AKAP10: variants seen among roughly 807,000 people sequenced by gnomAD.
AKAP10 encodes A-kinase anchoring protein 10.
In AKAP10, 24 loss-of-function variants were observed where a neutral mutation model predicts 80.8. The ratio of observed to expected loss-of-function variants is 0.30; its 90% CI spans 0.22 to 0.42. AKAP10 has a LOEUF of 0.42. AKAP10 is among the 10% of genes least tolerant of loss of function. The probability of loss-of-function intolerance (pLI) is 1.00; values close to 1 mark genes in which losing one functional copy is unlikely to be tolerated. For missense variants in AKAP10, 661 were observed against 794.9 expected (o/e 0.83, Z 2.03); for synonymous variants, 291 against 277.7 (o/e 1.05, Z -0.48).
intron 1 of AKAP10, among the ~76,000 whole-genome samples, chr17:19,972,576 C>A (rs1246892337): frequency 6.6e-6 from 1 of 152,086 alleles, no homozygotes; most frequent in African/African-American, 2.4e-5. Context: ...CTGCCTCAGC[C>A]TCCCAAGTAG....
intron 11 of AKAP10, among the ~76,000 whole-genome samples, chr17:19,922,150 T>TA (rs1399130798): frequency 8.5e-5 from 13 of 152,204 alleles, no homozygotes; most frequent in African/African-American, 3.1e-4. Flanking sequence ...GGCTCATGTG[T>TA]GTAATCCCAG....
intron 9 of AKAP10, among the ~76,000 whole-genome samples, chr17:19,933,146 G>A (rs2045460385): frequency 2.0e-5 from 3 of 152,108 alleles, no homozygotes; most frequent in Non-Finnish European, 2.9e-5. Flanking sequence ...AGCCTCCCGA[G>A]TAGCTGGGAT....
intron 4 of AKAP10, among the ~76,000 whole-genome samples, chr17:19,948,099 G>A (rs751389209): frequency 6.6e-6 from 1 of 152,046 alleles, no homozygotes; most frequent in Non-Finnish European, 1.5e-5. Context: ...AATTAATATA[G>A]AGAATATCAT....
chr17:19,946,234 A>ATT (rs2043111870), intron 5 of AKAP10, among the ~76,000 whole-genome samples: 1 of 17,258 alleles, frequency 5.8e-5, no homozygotes, highest in Non-Finnish European at 1.2e-4. Context: ...ATATATATAT[A>ATT]TATTATATAT....
At chr17:19,910,941 A>C (rs1163044060) in intron 12 of AKAP10, among the ~76,000 whole-genome samples, 2 of 152,212 alleles carry the variant, frequency 1.3e-5, no homozygotes, top group African/African-American at 4.8e-5. Context: ...AATGAAATAC[A>C]CAGCTTACTT....
intron 11 of AKAP10, among the ~76,000 whole-genome samples, chr17:19,924,204 C>T (rs983791395): frequency 1.3e-5 from 2 of 152,076 alleles, no homozygotes; most frequent in African/African-American, 4.8e-5. Context: ...TTAGCGGCTG[C>T]CAATAAATGG....
intron 5 of AKAP10, among the ~76,000 whole-genome samples, chr17:19,946,275 ATTTTTTTTTT>A (rs71157846): frequency 0.022 from 287 of 12,842 alleles, 4 homozygotes; most frequent in South Asian, 0.055. Flanking sequence ...ATATATATAT[ATTTTTTTTTT>A]TTTTTTTTTT....
intron 1 of AKAP10, 118 bp downstream of exon 1, chr17:19,977,474 G>T: frequency 1.3e-6 from 1 of 759,600 alleles, no homozygotes; most frequent in Non-Finnish European, 1.8e-6. Flanking sequence ...CATCTGCGCC[G>T]AGGTCGAGGC....
At chr17:19,941,975 A>C in intron 5 of AKAP10, 65 bp from the exon 6 acceptor site, 1 of 1,462,140 alleles carries the variant, frequency 6.8e-7, no homozygotes, top group Non-Finnish European at 9.3e-7. Context: ...ACACTTGTGA[A>C]TCAACTTGGG....
chr17:19,928,549 A>G (rs2042898439), intron 10 of AKAP10, among the ~76,000 whole-genome samples: 1 of 152,212 alleles, frequency 6.6e-6, no homozygotes, highest in South Asian at 2.1e-4. Flanking sequence ...CTCTTGACTC[A>G]GCAATTCTAC....
Position 19,905,655 on chromosome 17 carries a change from T to C in AKAP10, c.*572A>G, listed in dbSNP as rs2152408628. The C allele has an allele frequency of 6.5e-6, 1 of 152,738 alleles. No individual in the cohort carries two copies. Among genetic ancestry groups the C allele is most frequent in the East Asian group, 1.9e-4 (1 of 5,166 alleles). The allele number at this position is 152,738 out of a possible 1,614,324, so 9.5% of individuals were successfully genotyped here. A position where few individuals can be genotyped will look rare whatever the true frequency, so the allele number is the denominator to read the frequency against. On this transcript the variant is annotated 3_prime_UTR_variant, in exon 15 of 15. Transcript: ENST00000225737. Reference sequence around the variant, plus strand: ...TCACTGAAACTTGACCCATGACTTGTCAGTTTCCTTCCAAATTAATGCCGC... The same window carrying C: ...TCACTGAAACTTGACCCATGACTTGCCAGTTTCCTTCCAAATTAATGCCGC...
intron 4 of AKAP10, among the ~76,000 whole-genome samples, chr17:19,950,970 G>A (rs1362875565): frequency 1.3e-5 from 2 of 150,736 alleles, no homozygotes; most frequent in Non-Finnish European, 3.0e-5. Context: ...GACCCCGTCT[G>A]GGAACTGAGG....
chr17:19,932,426 C>G (rs1043684473), intron 9 of AKAP10, among the ~76,000 whole-genome samples: 1 of 145,588 alleles, frequency 6.9e-6, no homozygotes, highest in Non-Finnish European at 1.5e-5. Context: ...GCACTCCAGC[C>G]TGGACGCTGG....
intron 8 of AKAP10, among the ~76,000 whole-genome samples, chr17:19,937,339 T>C (rs2043003256): frequency 6.6e-6 from 1 of 151,960 alleles, no homozygotes; most frequent in Non-Finnish European, 1.5e-5. Flanking sequence ...CTGTCTCTAC[T>C]AAAAATACAA....
intron 1 of AKAP10, among the ~76,000 whole-genome samples, chr17:19,975,961 TTTCA>T (rs1446430565): frequency 1.3e-5 from 2 of 152,148 alleles, no homozygotes; most frequent in Non-Finnish European, 2.9e-5. Context: ...ATTTTACCGG[TTTCA>T]TTCATTAAGC....
At position 19,966,950 on chromosome 17, in the gene AKAP10, A is replaced by C. The variant is rs1210948264; in HGVS notation, c.136+1464T>G. Among the ~76,000 whole-genome samples the C allele has an allele frequency of 2.0e-5, 3 of 152,142 alleles. No individual in the cohort carries two copies. The East Asian group carries it at 5.8e-4, about 29-fold the overall frequency. ...TAATGTGGAATCTAACTGGCTTTAC[A>C]TAAGAAATAAGTAAACTAGGCTGTA... On this transcript the variant is annotated intron_variant, in intron 2 of 14. Transcript: ENST00000225737.
intron 14 of AKAP10, among the ~76,000 whole-genome samples, chr17:19,906,721 G>A (rs1346362500): frequency 6.6e-6 from 1 of 152,172 alleles, no homozygotes; most frequent in East Asian, 1.9e-4. Flanking sequence ...AATGGTGTGA[G>A]GTAGTTTATG....
chr17:19,939,829 T>C lies in AKAP10; in HGVS notation c.1206A>G (p.Ala402=), dbSNP rs2043033558. 2 of 1,613,812 alleles carry C rather than the reference T, an allele frequency of 1.2e-6. No individual in the cohort carries two copies. Among genetic ancestry groups the C allele is most frequent in the Non-Finnish European group, 1.7e-6 (2 of 1,179,962 alleles). ...CCAACCAGAATTGTAAGATATTCAC[T>C]GCATCCTCTTTTTCCATGTACTAGG... The part of the protein sequence containing the change: ...YFSEYMEKED[A]VNILQFWLAA... The change falls in exon 8 of 15, where the codon GCA becomes GCG. Residue 402 remains alanine, a synonymous_variant. Transcript: ENST00000225737.
intron 8 of AKAP10, among the ~76,000 whole-genome samples, chr17:19,937,177 T>A (rs1037121252): frequency 6.6e-6 from 1 of 151,948 alleles, no homozygotes; most frequent in African/African-American, 2.4e-5. Flanking sequence ...AGGTTGATAA[T>A]GCATGATTAT....
Sources: gnomAD v4.1 joint callset for allele counts (sites outside exome capture counted in the v4.1 genomes callset) on GRCh38, gnomAD v4.1.1 for gene constraint, MANE v1.5 for transcripts, NCBI Gene and HGNC (gene_info 2026-07-23, HGNC 2026-07-21) for gene names.